Variants in ASTN2 observed in about 807,000 individuals in gnomAD.
ASTN2 encodes astrotactin 2.
In ASTN2, 54 loss-of-function variants were observed where a neutral mutation model predicts 139.8. The observed-to-expected ratio is 0.39, with a 90% CI of 0.31 to 0.48. The LOEUF is 0.48. Among genes scored for constraint, ASTN2 ranks in the 20% least tolerant of loss-of-function variants. ASTN2 has a pLI of 0.95. For synonymous variants in ASTN2, 756 were observed against 719.5 expected (o/e 1.05, Z -0.81); for missense variants, 1,565 against 1,725.1 (o/e 0.91, Z 1.64).
At chr9:116,531,604 G>T (rs1851353641) in intron 19 of ASTN2, among the ~76,000 whole-genome samples, 2 of 148,296 alleles carry the variant, frequency 1.3e-5, no homozygotes, top group Non-Finnish European at 3.0e-5. Context: ...CTATGAGTGA[G>T]AACATGTGGT....
intron 17 of ASTN2, among the ~76,000 whole-genome samples, chr9:116,634,274 C>T (rs927972296): frequency 8.6e-5 from 13 of 151,994 alleles, no homozygotes; most frequent in African/African-American, 2.7e-4. Flanking sequence ...TGGGTATTCT[C>T]TAGATGAAAG....
chr9:117,061,430 G>A (rs1231317598), intron 5 of ASTN2, among the ~76,000 whole-genome samples: 3 of 68,408 alleles, frequency 4.4e-5, no homozygotes, highest in Non-Finnish European at 1.0e-4. Context: ...GGAAAGATAT[G>A]CCTTCAAAAA....
In ASTN2 at chr9:117,276,316, C is replaced by T. The variant is rs60104499; in HGVS notation, c.630+15010G>A. On this transcript the variant is annotated intron_variant, in intron 2 of 22. Transcript: ENST00000313400. The stretch of plus-strand genomic sequence containing the variant: ...CGGTTATCAAAAGGCTGAGAGATCC[C>T]GTCCAACAGACTCTCCTCTCCCATA... 9.9e-3 allele frequency among the ~76,000 whole-genome samples: 1,506 copies of T among 152,236 alleles called. 21 individuals carry two copies. Among genetic ancestry groups the T allele is most frequent in the African/African-American group, 0.034 (1,412 of 41,528 alleles).
intron 13 of ASTN2, among the ~76,000 whole-genome samples, chr9:116,800,527 T>C (rs995264728): frequency 6.6e-6 from 1 of 152,136 alleles, no homozygotes; most frequent in Non-Finnish European, 1.5e-5. Flanking sequence ...CATGGAGTGG[T>C]CTTTGCCTAA....
chr9:116,425,936 C>T lies in ASTN2; in HGVS notation c.3935G>A (p.Ser1312Asn). Residue 1312 changes from serine to asparagine, a missense_variant, in exon 23 of 23, where the codon AGC becomes AAC. Ser to Asn is a conservative substitution (Grantham distance 46). Around this residue, in one of 4 missense-constraint regions of ASTN2, gnomAD observed 418 missense variants for 465.8 expected, o/e 0.90. Coordinates refer to ENST00000313400, the MANE Select transcript of ASTN2 (RefSeq NM_001365068.1). ...EVRPAGMVWY[S>N]ILKDTKITCE... The stretch of plus-strand genomic sequence containing the variant: ...CGTGATTTTGGTGTCCTTGAGGATG[C>T]TATACCACACCATGCCTGCAGGCCG... The T allele has an allele frequency of 6.2e-7, 1 of 1,614,162 alleles. No homozygotes were observed. The highest frequency in any genetic ancestry group is 1.1e-5 in the South Asian group (1 of 91,082).
intron 19 of ASTN2, among the ~76,000 whole-genome samples, chr9:116,517,994 A>G (rs1850718955): frequency 6.6e-6 from 1 of 152,208 alleles, no homozygotes; most frequent in Admixed American, 6.5e-5. Flanking sequence ...AAAGCCTCCA[A>G]GAAATTTGGG....
chr9:117,037,453 C>T (rs1838417976), intron 6 of ASTN2, among the ~76,000 whole-genome samples: 2 of 152,142 alleles, frequency 1.3e-5, no homozygotes. Context: ...GTAGGTACTA[C>T]TATTATCCAC....
intron 16 of ASTN2, among the ~76,000 whole-genome samples, chr9:116,688,155 A>G (rs960001863): frequency 6.6e-6 from 1 of 151,990 alleles, no homozygotes; most frequent in African/African-American, 2.4e-5. Flanking sequence ...AGATTTGGAA[A>G]TAGGGATTAA....
chr9:117,304,546 C>A (rs1834952650), intron 1 of ASTN2, among the ~76,000 whole-genome samples: 1 of 152,170 alleles, frequency 6.6e-6, no homozygotes, highest in South Asian at 2.1e-4. Context: ...CTCAGCCCCT[C>A]CTCCTTCTAA....
chr9:116,620,230 G>A (rs1243786772), intron 18 of ASTN2, 80 bp downstream of exon 18: 5 of 1,600,168 alleles, frequency 3.1e-6, no homozygotes, highest in Non-Finnish European at 4.3e-6. Flanking sequence ...GCAGAAGCAA[G>A]TCATGGCATG....
intron 10 of ASTN2, among the ~76,000 whole-genome samples, chr9:116,904,945 C>G (rs1834114353): frequency 6.6e-6 from 1 of 152,110 alleles, no homozygotes; most frequent in Non-Finnish European, 1.5e-5. Context: ...GCCCTTCCAC[C>G]CTCCGCACCC....
At chr9:116,481,416 G>C (rs1376857137) in intron 20 of ASTN2, among the ~76,000 whole-genome samples, 2 of 152,116 alleles carry the variant, frequency 1.3e-5, no homozygotes, top group East Asian at 3.9e-4. Flanking sequence ...ATCTGAAACA[G>C]AGAGGTGAAG....
At chr9:116,592,924 G>T (rs1456802897) in intron 19 of ASTN2, among the ~76,000 whole-genome samples, 1 of 152,208 alleles carries the variant, frequency 6.6e-6, no homozygotes, top group African/African-American at 2.4e-5. Context: ...TGTGGATGAA[G>T]TCTAACAATG....
At chr9:116,705,550 G>A (rs1418368384) in intron 16 of ASTN2, among the ~76,000 whole-genome samples, 1 of 152,128 alleles carries the variant, frequency 6.6e-6, no homozygotes, top group Admixed American at 6.6e-5. Context: ...ATTGCATATT[G>A]TGAAAGAATA....
chr9:117,110,308 A>G (rs13285598), intron 4 of ASTN2, among the ~76,000 whole-genome samples: 16,664 of 152,170 alleles, frequency 0.11, 1,127 homozygotes, highest in Non-Finnish European at 0.16. Flanking sequence ...GGAATTCACC[A>G]TAAGGGACCC....
chr9:117,091,360 A>G (rs2132744780), intron 5 of ASTN2, among the ~76,000 whole-genome samples: 1 of 152,328 alleles, frequency 6.6e-6, no homozygotes, highest in Admixed American at 6.5e-5. Flanking sequence ...CTGGACACAA[A>G]TGACAATGTG....
intron 10 of ASTN2, among the ~76,000 whole-genome samples, chr9:116,916,226 A>C (rs534988516): frequency 6.6e-6 from 1 of 152,332 alleles, no homozygotes; most frequent in African/African-American, 2.4e-5. Context: ...ATGGCCCACC[A>C]TCAGTGAAAA....
At chr9:117,367,204 C>G (rs1161127717) in intron 1 of ASTN2, among the ~76,000 whole-genome samples, 1 of 152,168 alleles carries the variant, frequency 6.6e-6, no homozygotes, top group East Asian at 1.9e-4. Context: ...CAGAAGTGAA[C>G]TACAACAAAA....
intron 1 of ASTN2, among the ~76,000 whole-genome samples, chr9:117,315,389 A>G (rs1228444340): frequency 6.6e-6 from 1 of 152,198 alleles, no homozygotes; most frequent in Non-Finnish European, 1.5e-5. Context: ...GTGAAGGTGC[A>G]CTGCTTTGCC....
Sources: gnomAD v4.1 joint callset for allele counts (sites outside exome capture counted in the v4.1 genomes callset) on GRCh38, gnomAD v4.1.1 for gene constraint, gnomAD v4.1.1 regional missense constraint, MANE v1.5 for transcripts, NCBI Gene and HGNC (gene_info 2026-07-23, HGNC 2026-07-21) for gene names.